The following STIM2 variants were observed in gnomAD, a reference collection of about 807,000 sequenced individuals.
STIM2 encodes the protein stromal interaction molecule 2.
A neutral mutation model predicts 85.8 loss-of-function variants in STIM2; 31 were observed. The ratio of observed to expected loss-of-function variants is 0.36; its 90% CI spans 0.27 to 0.49. The LOEUF (loss-of-function observed/expected upper bound fraction) is 0.49, where lower values mean the gene tolerates loss of function less well. STIM2 is among the 20% of genes least tolerant of loss of function. The pLI is 0.98. For missense variants in STIM2, 841 were observed against 927.6 expected, an observed-to-expected ratio of 0.91 and a Z score of 1.21; for synonymous variants, 356 against 331.1, an observed-to-expected ratio of 1.08 and a Z score of -0.82.
intron 1 of STIM2, among the ~76,000 whole-genome samples, chr4:26,875,543 G>C (rs779468168): frequency 1.3e-5 from 2 of 152,102 alleles, no homozygotes; most frequent in African/African-American, 4.8e-5. Flanking sequence ...TAGGAAGCCT[G>C]TATGTGTCTC....
chr4:26,885,821 TTATATATA>T (rs56851120), intron 1 of STIM2, among the ~76,000 whole-genome samples: 887 of 84,272 alleles, frequency 0.011, 6 homozygotes, highest in African/African-American at 0.021. Context: ...GCACCTCAGG[TTATATATA>T]TATATATATA....
In STIM2 at chr4:26,957,680, A is replaced by T; in HGVS notation, c.351A>T (p.Lys117Asn). 6.3e-7 allele frequency: 1 copy of T among 1,596,760 alleles called. No homozygotes were observed. Among genetic ancestry groups the T allele is most frequent in the African/African-American group, 1.4e-5 (1 of 73,792 alleles). The stretch of plus-strand genomic sequence containing the variant: ...ACAGCCATCTGCACAGAGAAGATAA[A>T]CATATAACGATTGAGGATTTATGGA... Residue 117 changes from lysine (K) to asparagine (N), a missense_variant, in exon 3 of 12, where the codon AAA becomes AAT. By Grantham distance (94) the Lys-to-Asn change is moderately conservative. Transcript: ENST00000467087.
chr4:26,967,827 C>G (rs1214077036), intron 3 of STIM2, among the ~76,000 whole-genome samples: 1 of 152,128 alleles, frequency 6.6e-6, no homozygotes, highest in East Asian at 1.9e-4. Context: ...CCCCTCCCCC[C>G]TCCTCCAACA....
intron 2 of STIM2, among the ~76,000 whole-genome samples, chr4:26,933,759 GA>G (rs1201269043): frequency 2.4e-5 from 3 of 124,620 alleles, no homozygotes; most frequent in Non-Finnish European, 3.4e-5. Context: ...AAAAAAACAA[GA>G]AAAAAAAGGT....
Position 27,017,947 on chromosome 4 carries a change from G to A in STIM2, c.1726G>A (p.Glu576Lys), listed in dbSNP as rs1728791364. Residue 576 changes from glutamate to lysine, a missense_variant, in exon 11 of 12, where the codon GAG (glutamate) becomes AAG (lysine). Glu to Lys is a moderately conservative substitution (Grantham distance 56). This residue lies in a region of STIM2 where 293 missense variants were observed against 284.5 expected (regional missense o/e 1.03). Transcript: ENST00000467087. ...CCCTGCGCTTTATCGAAATGAAGAG[G>A]AGGAAGAGGCCATTTACTTCTCTGC... 6 of 1,614,120 alleles carry A rather than the reference G, an allele frequency of 3.7e-6. No individual in the cohort carries two copies. The highest frequency in any genetic ancestry group is 5.1e-6 in the Non-Finnish European group (6 of 1,180,022).
At chr4:26,966,126 TA>T (rs1393967618) in intron 3 of STIM2, among the ~76,000 whole-genome samples, 5 of 152,100 alleles carry the variant, frequency 3.3e-5, no homozygotes, top group African/African-American at 4.8e-5. Flanking sequence ...TGGAGTACAG[TA>T]AAAGAACCTT....
intron 2 of STIM2, among the ~76,000 whole-genome samples, chr4:26,942,738 G>A (rs1725660277): frequency 6.6e-6 from 1 of 152,048 alleles, no homozygotes; most frequent in Admixed American, 6.6e-5. Flanking sequence ...TATATTGGTT[G>A]CTGCTTTTCA....
At chr4:26,893,329 C>G (rs1723567314) in intron 1 of STIM2, among the ~76,000 whole-genome samples, 1 of 152,098 alleles carries the variant, frequency 6.6e-6, no homozygotes. Context: ...ATGATACTTT[C>G]CTTTCTTTTT....
intron 2 of STIM2, among the ~76,000 whole-genome samples, chr4:26,950,357 T>G (rs1726000388): frequency 6.6e-6 from 1 of 152,206 alleles, no homozygotes; most frequent in South Asian, 2.1e-4. Context: ...CACTCCTGTT[T>G]TAGATAGAAA....
intron 10 of STIM2, among the ~76,000 whole-genome samples, chr4:27,016,068 A>G (rs2109143541): frequency 6.6e-6 from 1 of 152,132 alleles, no homozygotes; most frequent in East Asian, 1.9e-4. Context: ...CTTCTAGCTT[A>G]CTAATTATTT....
chr4:26,989,134 C>A (rs1257079846), intron 3 of STIM2, among the ~76,000 whole-genome samples: 1 of 152,148 alleles, frequency 6.6e-6, no homozygotes, highest in Non-Finnish European at 1.5e-5. Context: ...AGGGTTTTGC[C>A]ATGTTGGCCA....
intron 1 of STIM2, among the ~76,000 whole-genome samples, chr4:26,886,021 C>T (rs74869938): frequency 0.039 from 5,967 of 151,488 alleles, 163 homozygotes; most frequent in Non-Finnish European, 0.061. Context: ...CACCATGCGC[C>T]AGTTCCTCTT....
intron 4 of STIM2, among the ~76,000 whole-genome samples, chr4:26,996,997 C>A (rs1727981130): frequency 6.6e-6 from 1 of 152,102 alleles, no homozygotes; most frequent in South Asian, 2.1e-4. Flanking sequence ...AAGATCAACT[C>A]CTTAAATAGT....
At chr4:26,950,421 A>C (rs999503027) in intron 2 of STIM2, among the ~76,000 whole-genome samples, 8 of 152,134 alleles carry the variant, frequency 5.3e-5, no homozygotes, top group Admixed American at 3.3e-4. Context: ...TTATGGCTTG[A>C]ATGTGTTCCC....
chr4:26,964,840 G>A (rs988306095), intron 3 of STIM2, among the ~76,000 whole-genome samples: 3 of 152,068 alleles, frequency 2.0e-5, no homozygotes, highest in African/African-American at 7.2e-5. Flanking sequence ...AGGCACTGTG[G>A]GATAATAAAA....
intron 1 of STIM2, among the ~76,000 whole-genome samples, chr4:26,879,647 A>G (rs544017302): frequency 2.0e-5 from 3 of 152,312 alleles, no homozygotes; most frequent in Non-Finnish European, 2.9e-5. Context: ...TATCATGCCC[A>G]TTATCTCATA....
At chr4:26,939,529 T>C (rs2109080648) in intron 2 of STIM2, among the ~76,000 whole-genome samples, 1 of 152,314 alleles carries the variant, frequency 6.6e-6, no homozygotes, top group Admixed American at 6.5e-5. Flanking sequence ...ATCCTGAAAA[T>C]GTTACAAACA....
intron 2 of STIM2, among the ~76,000 whole-genome samples, chr4:26,920,713 A>G (rs1724764496): frequency 1.3e-5 from 2 of 152,128 alleles, no homozygotes; most frequent in African/African-American, 2.4e-5. Flanking sequence ...CTGTTTTCAG[A>G]TTGCCCTGAT....
At chr4:27,004,649 T>G (rs1277227704) in intron 7 of STIM2, among the ~76,000 whole-genome samples, 1 of 152,120 alleles carries the variant, frequency 6.6e-6, no homozygotes, top group Non-Finnish European at 1.5e-5. Context: ...TTGTGGACAT[T>G]CTAACTTGAA....
Sources: gnomAD v4.1 joint callset for allele counts (sites outside exome capture counted in the v4.1 genomes callset) on GRCh38, gnomAD v4.1.1 for gene constraint, gnomAD v4.1.1 regional missense constraint, MANE v1.5 for transcripts, NCBI Gene and HGNC (gene_info 2026-07-23, HGNC 2026-07-21) for gene names.